Variants in MBD2 observed in about 807,000 individuals in gnomAD.
The protein encoded by MBD2 is methyl-CpG-binding domain protein 2.
In MBD2, 9 loss-of-function variants were observed where a neutral mutation model predicts 39.3. The observed-to-expected ratio is 0.23, with a 90% CI of 0.14 to 0.40. MBD2 has a LOEUF of 0.40. Ranked by LOEUF, MBD2 falls within the 10% of genes least tolerant of loss-of-function variation. The probability of loss-of-function intolerance (pLI) is 1.00; values close to 1 mark genes in which losing one functional copy is unlikely to be tolerated. For missense variants in MBD2, 458 were observed against 532.6 expected, an observed-to-expected ratio of 0.86 and a Z score of 1.38; for synonymous variants, 233 against 211.1, an observed-to-expected ratio of 1.10 and a Z score of -0.90.
At chr18:54,169,592 C>A (rs528903888) in intron 3 of MBD2, among the ~76,000 whole-genome samples, 4 of 152,228 alleles carry the variant, frequency 2.6e-5, no homozygotes, top group Admixed American at 1.3e-4. Context: ...GAGTAATATT[C>A]AAAATATTCA....
rs2086189263 is a variant in MBD2, at chr18:54,173,018, G to A, written c.841-6852C>T. On this transcript the variant is annotated intron_variant, in intron 3 of 6. Transcript: ENST00000256429. ...ATACAATAGCACTTAATAAGTAGTT[G>A]GTCATTTTATTAAAATTAGGAAGTA... Among the ~76,000 whole-genome samples, 3 of 152,184 alleles carry A rather than the reference G, an allele frequency of 2.0e-5. No individual in the cohort carries two copies. The South Asian group carries it at 6.2e-4, about 32-fold the overall frequency.
chr18:54,162,727 C>A (rs995221917), intron 5 of MBD2, among the ~76,000 whole-genome samples: 2 of 152,186 alleles, frequency 1.3e-5, no homozygotes, highest in African/African-American at 2.4e-5. Context: ...AGGGTAAGAA[C>A]AATCCAATGA....
intron 3 of MBD2, among the ~76,000 whole-genome samples, chr18:54,171,855 A>T (rs746390081): frequency 2.0e-5 from 3 of 152,250 alleles, no homozygotes; most frequent in Non-Finnish European, 2.9e-5. Flanking sequence ...AGCATGGGGA[A>T]CTTAAATAAC....
chr18:54,188,160 A>G (rs2086296881), intron 3 of MBD2, among the ~76,000 whole-genome samples: 1 of 152,198 alleles, frequency 6.6e-6, no homozygotes. Flanking sequence ...ATTGCTACTA[A>G]AAATTCATGA....
At position 54,205,040 on chromosome 18, in the gene MBD2, C is replaced by T; in HGVS notation, c.660G>A (p.Lys220=). 3.1e-6 allele frequency: 5 copies of T among 1,613,776 alleles called. No homozygotes were observed. Among genetic ancestry groups the T allele is most frequent in the Non-Finnish European group, 3.4e-6 (4 of 1,179,870 alleles). Residue 220 remains lysine, a synonymous_variant, in exon 2 of 7, where the codon AAG becomes AAA. Coordinates refer to ENST00000256429, the MANE Select transcript of MBD2 (RefSeq NM_003927.5). ...TGKMMPSKLQ[K]NKQRLRNDPL... ...GATCGTTTCGCAGTCTCTGTTTGTT[C>T]TTCTGTAATTTACTAGGCATCATCT... is the stretch of plus-strand genomic sequence containing the variant.
intron 3 of MBD2, among the ~76,000 whole-genome samples, chr18:54,171,204 C>T (rs372568829): frequency 6.6e-6 from 1 of 151,946 alleles, no homozygotes; most frequent in South Asian, 2.1e-4. Flanking sequence ...GAGTTCGAGA[C>T]CAGCCTGACC....
chr18:54,193,450 TATA>T (rs2086338537), intron 2 of MBD2, among the ~76,000 whole-genome samples: 1 of 152,208 alleles, frequency 6.6e-6, no homozygotes, highest in South Asian at 2.1e-4. Flanking sequence ...TAATACATTT[TATA>T]ATAATGTGTA....
intron 2 of MBD2, among the ~76,000 whole-genome samples, chr18:54,195,785 TA>T (rs962929648): frequency 2.0e-5 from 3 of 152,146 alleles, no homozygotes; most frequent in African/African-American, 7.2e-5. Context: ...AAATTCTAAA[TA>T]AATAGCAGTT....
chr18:54,204,792 T>G (rs1000401316), intron 2 of MBD2, among the ~76,000 whole-genome samples: 4 of 152,188 alleles, frequency 2.6e-5, no homozygotes, highest in African/African-American at 9.7e-5. Context: ...AGTATGATGT[T>G]CACTGACCTA....
intron 3 of MBD2, among the ~76,000 whole-genome samples, chr18:54,178,997 T>C (rs1298131036): frequency 6.6e-6 from 1 of 152,126 alleles, no homozygotes; most frequent in Non-Finnish European, 1.5e-5. Context: ...CTGAGCAACA[T>C]AGTGAGACCC....
chr18:54,154,345 T>C lies in MBD2; in HGVS notation c.*979A>G, dbSNP rs2086038967. ...TGGAGGCCAGGCCAGGTACAGGTAATGGTTTGTAAAGTATTACAAACCCTT... is the reference window on the plus strand; with the variant it reads ...TGGAGGCCAGGCCAGGTACAGGTAACGGTTTGTAAAGTATTACAAACCCTT... On this transcript the variant is annotated 3_prime_UTR_variant, in exon 7 of 7. Coordinates refer to ENST00000256429, the MANE Select transcript of MBD2 (RefSeq NM_003927.5). The C allele has an allele frequency of 6.6e-6, 1 of 152,172 alleles. No individual in the cohort carries two copies. The highest frequency in any genetic ancestry group is 1.5e-5 in the Non-Finnish European group (1 of 68,034). The allele number at this position is 152,172 out of a possible 1,614,324, so 9.4% of individuals were successfully genotyped here.
intron 3 of MBD2, among the ~76,000 whole-genome samples, chr18:54,175,533 T>G (rs1599082786): frequency 6.6e-6 from 1 of 152,216 alleles, no homozygotes; most frequent in East Asian, 1.9e-4. Context: ...ATTTTTCCCC[T>G]CCTCCCCTGG....
intron 2 of MBD2, among the ~76,000 whole-genome samples, chr18:54,199,345 G>GT (rs1007824825): frequency 2.6e-5 from 4 of 152,176 alleles, no homozygotes; most frequent in African/African-American, 4.8e-5. Flanking sequence ...CCAGGTTGTT[G>GT]TAACACCACA....
chr18:54,161,349 C>G (rs745527711), intron 5 of MBD2, among the ~76,000 whole-genome samples: 1 of 152,180 alleles, frequency 6.6e-6, no homozygotes, highest in African/African-American at 2.4e-5. Context: ...GCTCTATAGC[C>G]TCTGTCATAT....
chr18:54,185,320 T>G (rs927658727), intron 3 of MBD2, among the ~76,000 whole-genome samples: 6 of 152,286 alleles, frequency 3.9e-5, no homozygotes, highest in African/African-American at 1.4e-4. Context: ...TTCTTTACTG[T>G]TAAACAATTA....
chr18:54,220,675 T>C (rs1002497837), intron 1 of MBD2, among the ~76,000 whole-genome samples: 1 of 152,212 alleles, frequency 6.6e-6, no homozygotes, highest in Non-Finnish European at 1.5e-5. Flanking sequence ...TTTTAGCAGA[T>C]AGTGGGTGTT....
chr18:54,165,520 A>G (rs2086125079), intron 4 of MBD2, among the ~76,000 whole-genome samples: 2 of 152,234 alleles, frequency 1.3e-5, no homozygotes. Flanking sequence ...ACTCTTCTCT[A>G]GAACTTGGAG....
intron 5 of MBD2, among the ~76,000 whole-genome samples, chr18:54,162,641 C>T (rs1217036739): frequency 6.6e-6 from 1 of 152,196 alleles, no homozygotes; most frequent in African/African-American, 2.4e-5. Flanking sequence ...AAGGACCTGG[C>T]AGAATCCCTG....
intron 1 of MBD2, among the ~76,000 whole-genome samples, chr18:54,209,434 G>A (rs2086481910): frequency 6.6e-6 from 1 of 152,038 alleles, no homozygotes; most frequent in South Asian, 2.1e-4. Context: ...AAGAAAGCTG[G>A]AATATTCACT....
Sources: gnomAD v4.1 joint callset for allele counts (sites outside exome capture counted in the v4.1 genomes callset) on GRCh38, gnomAD v4.1.1 for gene constraint, MANE v1.5 for transcripts, NCBI Gene and HGNC (gene_info 2026-07-23, HGNC 2026-07-21) for gene names.